SPECC1L: variants seen among roughly 807,000 people sequenced by gnomAD.
The protein encoded by SPECC1L is cytospin-A.
In SPECC1L, 40 loss-of-function variants were observed where a neutral mutation model predicts 116.8. The observed-to-expected ratio is 0.34, with a 90% CI of 0.27 to 0.45. The LOEUF is 0.45. Ranked by LOEUF, SPECC1L falls within the 20% of genes least tolerant of loss-of-function variation. The pLI is 1.00. For missense variants in SPECC1L, 1,110 were observed against 1,373.6 expected (o/e 0.81, Z 3.03); for synonymous variants, 504 against 500.6 (o/e 1.01, Z -0.09).
chr22:24,410,374 C>G (rs981456793), intron 14 of SPECC1L, among the ~76,000 whole-genome samples: 1 of 152,208 alleles, frequency 6.6e-6, no homozygotes, highest in Admixed American at 6.5e-5. Flanking sequence ...CTTAGAGTCC[C>G]TGATCTGGGA....
intron 14 of SPECC1L, among the ~76,000 whole-genome samples, chr22:24,398,233 C>G (rs934192626): frequency 6.6e-6 from 1 of 152,150 alleles, no homozygotes; most frequent in South Asian, 2.1e-4. Flanking sequence ...GAGCAGGGAT[C>G]GGGGGAGAAG....
intron 2 of SPECC1L, among the ~76,000 whole-genome samples, chr22:24,301,158 A>G (rs994339204): frequency 2.0e-5 from 3 of 152,236 alleles, no homozygotes; most frequent in African/African-American, 7.2e-5. Flanking sequence ...AGCAAAAGAA[A>G]CTATCATCAG....
chr22:24,378,548 T>G (rs1420125073), intron 14 of SPECC1L, among the ~76,000 whole-genome samples: 1 of 152,256 alleles, frequency 6.6e-6, no homozygotes, highest in Non-Finnish European at 1.5e-5. Flanking sequence ...TCAATTAGCT[T>G]AAGCATTTCT....
At chr22:24,318,326 C>G in intron 4 of SPECC1L, among the ~76,000 whole-genome samples, 1 of 152,058 alleles carries the variant, frequency 6.6e-6, no homozygotes, top group East Asian at 1.9e-4. Context: ...GGAGACCAGC[C>G]CGGCCAACAC....
chr22:24,335,093 C>T (rs140367090), intron 9 of SPECC1L, among the ~76,000 whole-genome samples: 2 of 152,284 alleles, frequency 1.3e-5, no homozygotes, highest in South Asian at 2.1e-4. Context: ...ATTTCTTGTT[C>T]TTTCTTACCA....
chr22:24,338,092 T>C (rs2041098958), intron 9 of SPECC1L, among the ~76,000 whole-genome samples: 1 of 152,218 alleles, frequency 6.6e-6, no homozygotes, highest in Non-Finnish European at 1.5e-5. Context: ...CATTGCTTTA[T>C]GGAGCACTTT....
intron 2 of SPECC1L, among the ~76,000 whole-genome samples, chr22:24,289,697 C>CCTTTTTTT (rs1569405772): frequency 7.2e-6 from 1 of 139,822 alleles, no homozygotes. Context: ...TAACTACCTC[C>CCTTTTTTT]TTTTTTTTTT....
chr22:24,367,186 C>G (rs996244219), intron 13 of SPECC1L, among the ~76,000 whole-genome samples: 1 of 152,128 alleles, frequency 6.6e-6, no homozygotes, highest in African/African-American at 2.4e-5. Context: ...GAGTGAGACT[C>G]TGTCTTTAAA....
intron 7 of SPECC1L, among the ~76,000 whole-genome samples, chr22:24,329,241 A>G (rs1406181987): frequency 6.6e-6 from 1 of 152,242 alleles, no homozygotes; most frequent in Non-Finnish European, 1.5e-5. Flanking sequence ...GGATTTTCAG[A>G]TTTGGGATGC....
At chr22:24,400,226 A>G (rs976918079) in intron 14 of SPECC1L, among the ~76,000 whole-genome samples, 12 of 152,384 alleles carry the variant, frequency 7.9e-5, no homozygotes, top group African/African-American at 2.9e-4. Context: ...CCCATTCATC[A>G]GTCAGCTCCT....
intron 10 of SPECC1L, among the ~76,000 whole-genome samples, chr22:24,343,296 C>T (rs962293835): frequency 2.6e-4 from 39 of 152,216 alleles, no homozygotes; most frequent in Non-Finnish European, 5.0e-4. Flanking sequence ...TAAAGCAAGA[C>T]AAGCGTATAT....
chr22:24,287,812 T>G lies in SPECC1L; in HGVS notation c.-38+11009T>G, dbSNP rs547365790. 2.0e-5 allele frequency among the ~76,000 whole-genome samples: 3 copies of G among 152,236 alleles called. No individual in the cohort carries two copies. In the East Asian group the frequency reaches 5.8e-4, roughly 29 times the overall value. ...TCCCTAGGACCCCGCTGGAATATAA[T>G]GGGCCCTCGGGGTTTAGTTTCTTTC... On this transcript the variant is annotated intron_variant, in intron 2 of 16. Transcript: ENST00000314328.
At chr22:24,380,838 A>G (rs1198160585) in intron 14 of SPECC1L, among the ~76,000 whole-genome samples, 3 of 151,992 alleles carry the variant, frequency 2.0e-5, no homozygotes, top group African/African-American at 4.8e-5. Context: ...TTTCAGTACT[A>G]TTGCTTTAAG....
At position 24,414,678 on chromosome 22, in the gene SPECC1L, C is replaced by T. The variant is rs561186241; in HGVS notation, c.*55C>T. The T allele has an allele frequency of 2.4e-5, 36 of 1,484,548 alleles. No homozygotes were observed. The highest frequency in any genetic ancestry group is 9.1e-5 in the East Asian group (4 of 44,134). 92.0% of individuals were successfully genotyped at this position (1,484,548 alleles called of 1,614,324 possible). On this transcript the variant is annotated 3_prime_UTR_variant, in exon 17 of 17. Coordinates refer to ENST00000314328, the MANE Select transcript of SPECC1L (RefSeq NM_015330.6). ...GGGGTACCCCTCCACAGCGACCGAG[C>T]GACACCGACGCCATTAGCTACGCAC...
At chr22:24,410,715 C>T (rs1396079800) in intron 14 of SPECC1L, among the ~76,000 whole-genome samples, 1 of 152,106 alleles carries the variant, frequency 6.6e-6, no homozygotes, top group Non-Finnish European at 1.5e-5. Context: ...CAGGGGGCCA[C>T]GTTGTTGCTC....
At chr22:24,408,347 T>C (rs968149550) in intron 14 of SPECC1L, among the ~76,000 whole-genome samples, 2 of 152,248 alleles carry the variant, frequency 1.3e-5, no homozygotes, top group Non-Finnish European at 2.9e-5. Context: ...TGTTAAATCA[T>C]GGCCAGAGCA....
intron 2 of SPECC1L, among the ~76,000 whole-genome samples, chr22:24,300,626 C>T (rs149793414): frequency 0.057 from 8,673 of 152,272 alleles, 356 homozygotes; most frequent in Non-Finnish European, 0.09. Context: ...CACAACCTTG[C>T]CAGCATCTGC....
intron 4 of SPECC1L, among the ~76,000 whole-genome samples, chr22:24,314,229 T>G (rs927731301): frequency 6.6e-6 from 1 of 151,668 alleles, no homozygotes; most frequent in Admixed American, 6.6e-5. Flanking sequence ...TTTTGTATTT[T>G]TAGTAGAGAC....
intron 11 of SPECC1L, among the ~76,000 whole-genome samples, chr22:24,355,568 C>G (rs2041516454): frequency 1.3e-5 from 2 of 152,164 alleles, no homozygotes; most frequent in South Asian, 4.1e-4. Context: ...AAGCCATCAC[C>G]AATGGGTTCA....
Sources: gnomAD v4.1 joint callset for allele counts (sites outside exome capture counted in the v4.1 genomes callset) on GRCh38, gnomAD v4.1.1 for gene constraint, MANE v1.5 for transcripts, NCBI Gene and HGNC (gene_info 2026-07-23, HGNC 2026-07-21) for gene names.